The following CA10 variants were observed in gnomAD, a reference collection of about 807,000 sequenced individuals.
The protein encoded by CA10 is carbonic anhydrase 10 (inactive), also known as carbonic anhydrase-related protein 10.
Under a neutral mutation model 44.2 loss-of-function variants are expected in CA10, and 14 were observed. The ratio of observed to expected loss-of-function variants is 0.32; its 90% CI spans 0.21 to 0.50. CA10 has a LOEUF of 0.50. CA10 is among the 20% of genes least tolerant of loss of function. The pLI is 0.99. For missense variants in CA10, 350 were observed against 409.7 expected (o/e 0.85, Z 1.26); for synonymous variants, 159 against 141.6 (o/e 1.12, Z -0.87).
chr17:51,671,696 G>A (rs760183669), intron 4 of CA10, among the ~76,000 whole-genome samples: 2 of 152,104 alleles, frequency 1.3e-5, no homozygotes, highest in Non-Finnish European at 2.9e-5. Flanking sequence ...GAGCCACCAC[G>A]CCCGGCCACA....
chr17:51,959,566 G>A (rs933847450), intron 2 of CA10, among the ~76,000 whole-genome samples: 2 of 151,840 alleles, frequency 1.3e-5, no homozygotes, highest in South Asian at 2.1e-4. Context: ...ACTAATTGGC[G>A]CATGCATTGA....
At chr17:51,838,905 A>G (rs1978297278) in intron 3 of CA10, among the ~76,000 whole-genome samples, 1 of 152,214 alleles carries the variant, frequency 6.6e-6, no homozygotes, top group South Asian at 2.1e-4. Context: ...TATAGACTCT[A>G]TGAATAATAA....
chr17:52,080,933 T>A (rs1170006980), intron 1 of CA10, among the ~76,000 whole-genome samples: 1 of 152,218 alleles, frequency 6.6e-6, no homozygotes, highest in South Asian at 2.1e-4. Context: ...TGAGTACCTA[T>A]GATTGTCAGT....
At chr17:52,130,578 T>C (rs1263458580) in intron 1 of CA10, among the ~76,000 whole-genome samples, 2 of 152,246 alleles carry the variant, frequency 1.3e-5, no homozygotes, top group Non-Finnish European at 2.9e-5. Context: ...ATCTCACTTA[T>C]ATGTGGAACG....
At chr17:51,655,698 T>A (rs1227774638) in intron 4 of CA10, among the ~76,000 whole-genome samples, 1 of 152,230 alleles carries the variant, frequency 6.6e-6, no homozygotes. Flanking sequence ...TGGAACATAA[T>A]CAATGAACAT....
At chr17:51,813,896 C>A (rs1240676149) in intron 3 of CA10, among the ~76,000 whole-genome samples, 2 of 152,210 alleles carry the variant, frequency 1.3e-5, no homozygotes, top group African/African-American at 2.4e-5. Context: ...CTAAATCTAG[C>A]ACTCTTTCTT....
Position 52,002,851 on chromosome 17 carries a change from T to C in CA10, c.136+69468A>G, listed in dbSNP as rs147562668. On this transcript the variant is annotated intron_variant, in intron 2 of 8. Coordinates refer to ENST00000451037, the MANE Select transcript of CA10 (RefSeq NM_020178.5). Reference sequence around the variant, plus strand: ...GGTGTTATTGTTGTCTTTTAACATATGAAAAAGTTGTGACTGAGAAGTTTA... The same window carrying C: ...GGTGTTATTGTTGTCTTTTAACATACGAAAAAGTTGTGACTGAGAAGTTTA... Among the ~76,000 whole-genome samples the C allele has an allele frequency of 6.1e-3, 921 of 152,054 alleles. 7 individuals are homozygous for C. The highest frequency in any genetic ancestry group is 0.021 in the African/African-American group (878 of 41,542).
intron 2 of CA10, among the ~76,000 whole-genome samples, chr17:52,020,252 A>G (rs1986095114): frequency 6.6e-6 from 1 of 152,036 alleles, no homozygotes; most frequent in African/African-American, 2.4e-5. Context: ...TTCCTGAACA[A>G]TGCAAGCTTC....
chr17:52,042,591 AT>A (rs747447011), intron 2 of CA10, among the ~76,000 whole-genome samples: 2 of 151,536 alleles, frequency 1.3e-5, no homozygotes, highest in Non-Finnish European at 2.9e-5. Context: ...TGTTCAGAAG[AT>A]TTTAGTTTTA....
At chr17:52,099,418 T>A (rs1988483857) in intron 1 of CA10, among the ~76,000 whole-genome samples, 1 of 152,200 alleles carries the variant, frequency 6.6e-6, no homozygotes, top group African/African-American at 2.4e-5. Flanking sequence ...ATTTTAGAGG[T>A]AGACTCTGTA....
intron 2 of CA10, among the ~76,000 whole-genome samples, chr17:52,052,461 G>A (rs1050067890): frequency 1.3e-5 from 2 of 151,848 alleles, no homozygotes; most frequent in Admixed American, 6.6e-5. Context: ...ATCATTCAGG[G>A]CACACATATT....
At chr17:52,063,941 A>G (rs1987463057) in intron 2 of CA10, among the ~76,000 whole-genome samples, 1 of 152,212 alleles carries the variant, frequency 6.6e-6, no homozygotes, top group South Asian at 2.1e-4. Context: ...GTAGACTGCC[A>G]TTTCTGGCAA....
At chr17:51,774,823 A>G (rs796110357) in intron 3 of CA10, among the ~76,000 whole-genome samples, 11 of 152,276 alleles carry the variant, frequency 7.2e-5, no homozygotes, top group African/African-American at 2.6e-4. Context: ...TTATTAAAAG[A>G]TAGTTGAGGA....
chr17:51,832,383 T>TTGATACCATGTGTAAGG (rs1908316182), intron 3 of CA10, among the ~76,000 whole-genome samples: 1 of 152,202 alleles, frequency 6.6e-6, no homozygotes, highest in Non-Finnish European at 1.5e-5. Flanking sequence ...ATAGAGGTAG[T>TTGATACCATGTGTAAGG]TGATACCATG....
rs544332866 is a variant in CA10 at position 52,054,624 on chromosome 17, C to T, written c.136+17695G>A. 1.4e-4 allele frequency among the ~76,000 whole-genome samples: 21 copies of T among 152,098 alleles called. 1 individual carries two copies. The East Asian group carries it at 2.1e-3, about 15-fold the overall frequency. ...TGGTTTTGCGGCTTGGGGGGCATCA[C>T]GGAACCTGCCGACATGTGATGTCTC... On this transcript the variant is annotated intron_variant, in intron 2 of 8. Coordinates refer to ENST00000451037, the MANE Select transcript of CA10 (RefSeq NM_020178.5).
chr17:51,917,496 G>A lies in CA10; in HGVS notation c.279+13494C>T, dbSNP rs190275168. ...TAGCCAAGGCTGGGTAATTTATAAC[G>A]AAAAGAGGTTTAAGTGGCTTACAGT... is the stretch of plus-strand genomic sequence containing the variant. On this transcript the variant is annotated intron_variant, in intron 3 of 8. Coordinates refer to ENST00000451037, the MANE Select transcript of CA10 (RefSeq NM_020178.5). Among the ~76,000 whole-genome samples, 929 of 152,314 alleles carry A rather than the reference G, an allele frequency of 6.1e-3. 6 individuals carry two copies. The highest frequency in any genetic ancestry group is 0.01 in the Middle Eastern group (3 of 294).
At chr17:51,896,800 C>T (rs112579962) in intron 3 of CA10, among the ~76,000 whole-genome samples, 2,510 of 152,188 alleles carry the variant, frequency 0.016, 50 homozygotes, top group African/African-American at 0.057. Context: ...GGTGGTATCT[C>T]ATTGTGGTTT....
At chr17:52,145,445 G>A (rs1478329128) in intron 1 of CA10, among the ~76,000 whole-genome samples, 1 of 152,176 alleles carries the variant, frequency 6.6e-6, no homozygotes, top group Non-Finnish European at 1.5e-5. Flanking sequence ...CCATGCCACA[G>A]AAGTAGTAGT....
chr17:52,009,407 T>C (rs993206071), intron 2 of CA10, among the ~76,000 whole-genome samples: 2 of 152,022 alleles, frequency 1.3e-5, no homozygotes, highest in Non-Finnish European at 2.9e-5. Context: ...TTTTCACTTG[T>C]TTGCCTTTTA....
Sources: allele counts gnomAD v4.1 joint callset (sites outside exome capture counted in the v4.1 genomes callset), GRCh38; gene constraint gnomAD v4.1.1; transcripts MANE v1.5; gene names NCBI Gene and HGNC (gene_info 2026-07-23, HGNC 2026-07-21).